CNTN1: variants seen among roughly 807,000 people sequenced by gnomAD.
CNTN1 encodes contactin 1.
Under a neutral mutation model 126.4 loss-of-function variants are expected in CNTN1, and 38 were observed. That is an observed-to-expected ratio of 0.30 (90% CI 0.23 to 0.39). The LOEUF (loss-of-function observed/expected upper bound fraction) is 0.39. CNTN1 is among the 10% of genes least tolerant of loss of function. The pLI is 1.00. For missense variants in CNTN1, 1,009 were observed against 1,248.4 expected, an observed-to-expected ratio of 0.81 and a Z score of 2.89; for synonymous variants, 413 against 422.6, an observed-to-expected ratio of 0.98 and a Z score of 0.28.
intron 23 of CNTN1, among the ~76,000 whole-genome samples, chr12:41,043,151 G>A (rs1949457357): frequency 6.6e-6 from 1 of 152,074 alleles, no homozygotes; most frequent in Non-Finnish European, 1.5e-5. Context: ...TTGACAAATG[G>A]GATCTAATTA....
chr12:40,985,695 C>T (rs1947940159), intron 16 of CNTN1, among the ~76,000 whole-genome samples: 1 of 152,102 alleles, frequency 6.6e-6, no homozygotes. Context: ...TGGAGCTTGG[C>T]TTCTTGTATT....
intron 1 of CNTN1, among the ~76,000 whole-genome samples, chr12:40,849,215 T>C (rs1942629187): frequency 6.6e-6 from 1 of 152,096 alleles, no homozygotes; most frequent in East Asian, 1.9e-4. Context: ...AGTGAAATAT[T>C]CCCTGAACTG....
chr12:41,034,828 G>A (rs1340160388), intron 23 of CNTN1, among the ~76,000 whole-genome samples: 2 of 152,134 alleles, frequency 1.3e-5, no homozygotes, highest in East Asian at 3.9e-4. Context: ...ACATGAAGTT[G>A]GAAGATAAAT....
intron 1 of CNTN1, among the ~76,000 whole-genome samples, chr12:40,780,175 A>C (rs748750438): frequency 5.3e-5 from 8 of 151,922 alleles, no homozygotes; most frequent in Non-Finnish European, 1.0e-4. Context: ...TTCTCTGTGA[A>C]TTTTGTAATT....
intron 1 of CNTN1, among the ~76,000 whole-genome samples, chr12:40,838,764 G>C (rs1942166630): frequency 6.6e-6 from 1 of 152,040 alleles, no homozygotes; most frequent in African/African-American, 2.4e-5. Flanking sequence ...AATATCCTTA[G>C]GAAAAGTTCT....
chr12:40,940,194 G>T (rs534254720), intron 12 of CNTN1, among the ~76,000 whole-genome samples: 46 of 152,086 alleles, frequency 3.0e-4, no homozygotes, highest in Admixed American at 7.9e-4. Flanking sequence ...ATGTGAGGGT[G>T]TATGTGAGGG....
At chr12:40,696,646 T>C (rs951598065) in intron 1 of CNTN1, among the ~76,000 whole-genome samples, 3 of 152,240 alleles carry the variant, frequency 2.0e-5, no homozygotes, top group Admixed American at 6.5e-5. Context: ...TGATCCGTTG[T>C]GTGACCTTGG....
chr12:40,851,153 G>C (rs962449006), intron 1 of CNTN1, among the ~76,000 whole-genome samples: 2 of 152,198 alleles, frequency 1.3e-5, no homozygotes, highest in Non-Finnish European at 2.9e-5. Flanking sequence ...GATAGTGGTA[G>C]TAATTGGGAC....
chr12:40,900,620 G>A (rs1040573191), intron 1 of CNTN1, among the ~76,000 whole-genome samples: 1 of 152,150 alleles, frequency 6.6e-6, no homozygotes, highest in African/African-American at 2.4e-5. Flanking sequence ...AACAAATCAA[G>A]TGATATTATT....
chr12:40,928,256 T>C (rs1286848329), intron 6 of CNTN1, among the ~76,000 whole-genome samples: 1 of 152,012 alleles, frequency 6.6e-6, no homozygotes, highest in East Asian at 1.9e-4. Flanking sequence ...TAATTCAGAA[T>C]CAGAAAAGAT....
In CNTN1 at chr12:40,911,752, T is replaced by C. The variant is rs1474804633; in HGVS notation, c.94+1647T>C. 3.3e-5 allele frequency among the ~76,000 whole-genome samples: 5 copies of C among 152,180 alleles called. No homozygotes were observed. The South Asian group carries it at 1.0e-3, about 31-fold the overall frequency. The stretch of plus-strand genomic sequence containing the variant: ...ATGCTTGTTTTTTTTCTTGTATCTA[T>C]CTACCTTTAAAAACAAGGAGACCTT... On this transcript the variant is annotated intron_variant, in intron 3 of 23. Transcript: ENST00000551295.
At chr12:40,998,922 G>A (rs1037385856) in intron 17 of CNTN1, among the ~76,000 whole-genome samples, 1 of 152,008 alleles carries the variant, frequency 6.6e-6, no homozygotes, top group Non-Finnish European at 1.5e-5. Flanking sequence ...TAATTAACAA[G>A]AATTAAAGTA....
intron 1 of CNTN1, among the ~76,000 whole-genome samples, chr12:40,703,443 C>T (rs2405294): frequency 0.61 from 92,903 of 152,060 alleles, 29,181 homozygotes; most frequent in East Asian, 0.84. Flanking sequence ...TATTCTGGCA[C>T]GTAGTAGATA....
At chr12:40,988,742 C>T (rs1948027157) in intron 16 of CNTN1, among the ~76,000 whole-genome samples, 1 of 152,140 alleles carries the variant, frequency 6.6e-6, no homozygotes, top group Non-Finnish European at 1.5e-5. Context: ...CTAAGGTCTC[C>T]TGCTTTATAT....
chr12:40,860,634 C>T (rs1210678267), intron 1 of CNTN1, among the ~76,000 whole-genome samples: 1 of 152,106 alleles, frequency 6.6e-6, no homozygotes, highest in East Asian at 1.9e-4. Flanking sequence ...ATGGATGCAA[C>T]TCAAAAACAG....
At chr12:40,767,371 C>A (rs1243045086) in intron 1 of CNTN1, among the ~76,000 whole-genome samples, 1 of 128,954 alleles carries the variant, frequency 7.8e-6, no homozygotes, top group Non-Finnish European at 1.6e-5. Flanking sequence ...TGCAGTGGCA[C>A]GATCTCGGCT....
Position 40,693,245 on chromosome 12 carries a change from G to A in CNTN1, c.-77+653G>A, listed in dbSNP as rs543628298. ...CCTTCTCCACGATCTGCGGCAGGTG[G>A]GAGGGAGAGACCGCGGAGCCACGGC... On this transcript the variant is annotated intron_variant, in intron 1 of 23. Coordinates refer to ENST00000551295, the MANE Select transcript of CNTN1 (RefSeq NM_001843.4). Among the ~76,000 whole-genome samples, 6 of 152,336 alleles carry A rather than the reference G, an allele frequency of 3.9e-5. No individual in the cohort carries two copies. The South Asian group carries it at 1.2e-3, about 32-fold the overall frequency.
At chr12:40,790,722 G>T (rs957911594) in intron 1 of CNTN1, among the ~76,000 whole-genome samples, 2 of 151,932 alleles carry the variant, frequency 1.3e-5, no homozygotes, top group Non-Finnish European at 2.9e-5. Context: ...CTGTCCCACC[G>T]CCAACCAACA....
chr12:40,905,621 T>C (rs539984639), intron 1 of CNTN1, among the ~76,000 whole-genome samples: 86 of 152,272 alleles, frequency 5.6e-4, no homozygotes, highest in Middle Eastern at 3.4e-3. Context: ...TGTGTAATAA[T>C]AATAAAATTA....
Sources: gnomAD v4.1 joint callset for allele counts (sites outside exome capture counted in the v4.1 genomes callset) on GRCh38, gnomAD v4.1.1 for gene constraint, MANE v1.5 for transcripts, NCBI Gene and HGNC (gene_info 2026-07-23, HGNC 2026-07-21) for gene names.